Variants in LIPA observed in about 807,000 individuals in gnomAD.
The protein encoded by LIPA is lipase A, lysosomal acid type, also known as lysosomal acid lipase/cholesteryl ester hydrolase.
In LIPA, 26 loss-of-function variants were observed where a neutral mutation model predicts 40.6. The observed-to-expected ratio is 0.64, with a 90% CI of 0.47 to 0.89. The LOEUF is 0.89. LIPA is among the 40% of genes least tolerant of loss of function. The probability of loss-of-function intolerance (pLI) is 0.00; values close to 1 mark genes in which losing one functional copy is unlikely to be tolerated. For missense variants in LIPA, 455 were observed against 479.6 expected (o/e 0.95, Z 0.48); for synonymous variants, 188 against 168.4 (o/e 1.12, Z -0.90).
rs137865344 is a variant in LIPA at position 89,314,929 on chromosome 10, A to G, written c.-2+27682T>C. On this transcript the variant is annotated intron_variant, in intron 1 of 5. Coordinates refer to the LIPA transcript ENST00000282673. ...CTTTTCTCTGATCTTTATTGCTACAATCCTCTCTGAACTCCAAAGCAGAAT... is the reference window on the plus strand; with the variant it reads ...CTTTTCTCTGATCTTTATTGCTACAGTCCTCTCTGAACTCCAAAGCAGAAT... Among the ~76,000 whole-genome samples, 74 of 152,330 alleles carry G rather than the reference A, an allele frequency of 4.9e-4. No individual in the cohort carries two copies. In the East Asian group the frequency reaches 0.013, roughly 28 times the overall value.
At chr10:89,260,749 T>C (rs779146422) in intron 1 of LIPA, among the ~76,000 whole-genome samples, 11 of 152,154 alleles carry the variant, frequency 7.2e-5, no homozygotes, top group Non-Finnish European at 1.0e-4. Context: ...ACAGAGCACA[T>C]ACAGGGCAGA....
In LIPA at chr10:89,306,794, A is replaced by G. The variant is rs776936260; in HGVS notation, c.-2+35817T>C. On this transcript the variant is annotated intron_variant, in intron 1 of 5. Transcript: ENST00000282673. ...AAAGGCTTTAGAATACATACCAAACAATGCCTACCTGCATTGCCAAATTGG... is the reference window on the plus strand; with the variant it reads ...AAAGGCTTTAGAATACATACCAAACGATGCCTACCTGCATTGCCAAATTGG... The G allele has an allele frequency of 6.2e-5, 100 of 1,614,020 alleles. No homozygotes were observed. The highest frequency in any genetic ancestry group is 8.4e-5 in the Non-Finnish European group (99 of 1,179,968).
upstream of LIPA, among the ~76,000 whole-genome samples, chr10:89,255,291 T>C (rs1347353403): frequency 1.3e-5 from 2 of 152,192 alleles, no homozygotes; most frequent in East Asian, 1.9e-4. Flanking sequence ...AAAAGGCACG[T>C]CTTACATGGC....
intron 2 of LIPA, among the ~76,000 whole-genome samples, chr10:89,374,999 T>G (rs2133599240): frequency 6.6e-6 from 1 of 152,324 alleles, no homozygotes. Flanking sequence ...AACACCTCTC[T>G]CTCAGTGCCC....
At chr10:89,410,552 T>C (rs1205200929) in intron 2 of LIPA, among the ~76,000 whole-genome samples, 1 of 152,226 alleles carries the variant, frequency 6.6e-6, no homozygotes, top group Non-Finnish European at 1.5e-5. Context: ...TACTTGAAAG[T>C]AAGCCTCTTC....
Position 89,384,399 on chromosome 10 carries a change from T to C in LIPA, c.61+28392A>G, listed in dbSNP as rs147587910. 41 of 1,614,018 alleles carry C rather than the reference T, an allele frequency of 2.5e-5. No individual in the cohort carries two copies. In the African/African-American group the frequency reaches 4.9e-4, roughly 19 times the overall value. On this transcript the variant is annotated intron_variant, in intron 2 of 8. Coordinates refer to the LIPA transcript ENST00000371837. ...GCCACCACAGAAAGGCTGAGGAACA[T>C]TTTCAGAAAGGGTTACGCATGAAGA...
At chr10:89,282,184 A>G (rs1248832274) in intron 1 of LIPA, among the ~76,000 whole-genome samples, 1 of 152,246 alleles carries the variant, frequency 6.6e-6, no homozygotes, top group African/African-American at 2.4e-5. Context: ...CATATTTCAT[A>G]CTGAGAAAGG....
chr10:89,302,082 T>C (rs1430978096), intron 1 of LIPA: 1 of 1,613,616 alleles, frequency 6.2e-7, no homozygotes, highest in Non-Finnish European at 8.5e-7. Context: ...TGCAGCTGCC[T>C]GAACCGAGCC....
chr10:89,413,133 G>C (rs1841489580), intron 1 of LIPA, among the ~76,000 whole-genome samples: 1 of 152,148 alleles, frequency 6.6e-6, no homozygotes, highest in Admixed American at 6.5e-5. Context: ...GCATTAGTTT[G>C]CTGAGGATAA....
At chr10:89,267,729 TAAA>T (rs56037485) in intron 1 of LIPA, among the ~76,000 whole-genome samples, 4,458 of 121,674 alleles carry the variant, frequency 0.037, 106 homozygotes, top group Admixed American at 0.1. Flanking sequence ...TAAAGTATAA[TAAA>T]AAAAAAAAAA....
chr10:89,224,928 C>T (rs562099618), intron 6 of LIPA, among the ~76,000 whole-genome samples, 164 bp downstream of exon 6: 2 of 152,316 alleles, frequency 1.3e-5, no homozygotes, highest in East Asian at 1.9e-4. Context: ...CCCCGGCCAC[C>T]CCTGGGTCTG....
chr10:89,403,221 G>GA, intron 2 of LIPA: 1 of 1,614,146 alleles, frequency 6.2e-7, no homozygotes, highest in Non-Finnish European at 8.5e-7. Context: ...GCAGAACAGA[G>GA]AAAAGCTAGA....
intron 3 of LIPA, among the ~76,000 whole-genome samples, chr10:89,243,898 A>G (rs1054590425): frequency 2.0e-5 from 3 of 152,222 alleles, no homozygotes; most frequent in Admixed American, 2.0e-4. Context: ...GTTACTAATT[A>G]ATCAACTATA....
At chr10:89,312,323 C>T (rs1843521044) in intron 1 of LIPA, among the ~76,000 whole-genome samples, 1 of 152,034 alleles carries the variant, frequency 6.6e-6, no homozygotes, top group South Asian at 2.1e-4. Context: ...CACCTGTAGT[C>T]CCATCTACTT....
intron 1 of LIPA, among the ~76,000 whole-genome samples, chr10:89,262,860 G>T (rs1843218130): frequency 6.6e-6 from 1 of 152,162 alleles, no homozygotes; most frequent in Admixed American, 6.5e-5. Context: ...AATCTCAGTG[G>T]ACTCTTGTCT....
intron 1 of LIPA, among the ~76,000 whole-genome samples, chr10:89,330,200 G>A (rs1015625268): frequency 3.3e-5 from 5 of 152,288 alleles, no homozygotes; most frequent in African/African-American, 7.2e-5. Context: ...TGTTAAACAC[G>A]TTTTACGCAT....
In LIPA at chr10:89,339,119, C is replaced by T. The variant is rs553698615; in HGVS notation, c.-2+3492G>A. On this transcript the variant is annotated intron_variant, in intron 1 of 5. Coordinates refer to the LIPA transcript ENST00000282673. ...CTGAAGTGTGGAAGAAATGAAAGGG[C>T]GAAGGTGTGTTTTGAGAAGGCTCTG... is the stretch of plus-strand genomic sequence containing the variant. 1.5e-5 allele frequency: 25 copies of T among 1,613,850 alleles called. No individual in the cohort carries two copies. The highest frequency in any genetic ancestry group is 1.6e-4 in the Middle Eastern group (1 of 6,084).
chr10:89,356,149 AC>A (rs1843987294), intron 2 of LIPA, among the ~76,000 whole-genome samples: 1 of 151,826 alleles, frequency 6.6e-6, no homozygotes, highest in African/African-American at 2.4e-5. Context: ...CTGTATTGGG[AC>A]CCCTTTCCTG....
chr10:89,388,474 G>A (rs929464070), intron 2 of LIPA, among the ~76,000 whole-genome samples: 4 of 152,062 alleles, frequency 2.6e-5, no homozygotes, highest in East Asian at 1.9e-4. Flanking sequence ...ATTCAGAGAC[G>A]GTTGTTGGTG....
Sources: gnomAD v4.1 joint callset for allele counts (sites outside exome capture counted in the v4.1 genomes callset) on GRCh38, gnomAD v4.1.1 for gene constraint, MANE v1.5 for transcripts, NCBI Gene and HGNC (gene_info 2026-07-23, HGNC 2026-07-21) for gene names.